PLA2G15: variants seen among roughly 807,000 people sequenced by gnomAD.
PLA2G15 encodes lysosomal phospholipase A and acyltransferase.
PLA2G15 carries 20 observed loss-of-function variants against 40.9 expected under a neutral mutation model. The observed-to-expected ratio is 0.49, with a 90% CI of 0.34 to 0.71. The LOEUF is 0.71. PLA2G15 is among the 30% of genes least tolerant of loss of function. PLA2G15 has a pLI of 0.01. For synonymous variants in PLA2G15, 223 were observed against 228.2 expected, an observed-to-expected ratio of 0.98 and a Z score of 0.21; for missense variants, 471 against 541.9, an observed-to-expected ratio of 0.87 and a Z score of 1.30.
At chr16:68,250,609 G>A (rs2042347783) in intron 2 of PLA2G15, among the ~76,000 whole-genome samples, 1 of 152,174 alleles carries the variant, frequency 6.6e-6, no homozygotes. Context: ...GCCAGGCATG[G>A]TGGCTCTGCT....
At chr16:68,249,505 C>T (rs955901446) in intron 2 of PLA2G15, 59 bp downstream of exon 2, 184 of 1,501,646 alleles carry the variant, frequency 1.2e-4, no homozygotes, top group Non-Finnish European at 1.7e-4. Context: ...GAGAGGCCTC[C>T]AGAGTCTGTT....
chr16:68,258,672 A>C (rs2042419537), intron 5 of PLA2G15, among the ~76,000 whole-genome samples: 1 of 152,126 alleles, frequency 6.6e-6, no homozygotes, highest in South Asian at 2.1e-4. Flanking sequence ...AGTTCCAGCT[A>C]TGCAGGAGGC....
At chr16:68,254,791 G>C in intron 2 of PLA2G15, 128 bp from the exon 3 acceptor site, 1 of 668,842 alleles carries the variant, frequency 1.5e-6, no homozygotes, top group Non-Finnish European at 2.7e-6. Flanking sequence ...TTACTTTTCG[G>C]TCTCTCCTAT....
intron 2 of PLA2G15, chr16:68,252,542 C>T (rs1380301637): frequency 2.2e-6 from 1 of 456,088 alleles, no homozygotes; most frequent in Non-Finnish European, 4.4e-6. Flanking sequence ...GATGGTGCAG[C>T]AGCTGTGTAC....
Position 68,256,014 on chromosome 16 carries a change from T to TGGGG in PLA2G15, c.727+27_727+30dup, listed in dbSNP as rs1357229659. On this transcript the variant is annotated intron_variant, in intron 5 of 5. Coordinates refer to ENST00000219345, the MANE Select transcript of PLA2G15 (RefSeq NM_012320.4). ...AGGTAAGACCCTACCTGGCCCAGCGTGGGGGGCTGTTGCCAGGAATTCTGC... is the reference window on the plus strand; with the variant it reads ...AGGTAAGACCCTACCTGGCCCAGCGTGGGGGGGGGGCTGTTGCCAGGAATTCTGC... 4 of 1,492,910 alleles carry TGGGG rather than the reference T, an allele frequency of 2.7e-6. No homozygotes were observed. The East Asian group carries it at 9.2e-5, about 34-fold the overall frequency. 92.5% of individuals were successfully genotyped at this position (1,492,910 alleles called of 1,614,324 possible). A position where few individuals can be genotyped will look rare whatever the true frequency, so the allele number is the denominator to read the frequency against.
intron 1 of PLA2G15, among the ~76,000 whole-genome samples, chr16:68,246,990 T>C (rs1971546): frequency 0.22 from 33,128 of 151,996 alleles, 4,171 homozygotes; most frequent in African/African-American, 0.34. Flanking sequence ...AAATGGCACA[T>C]AGCCATTTTG....
At chr16:68,252,038 C>A (rs550698957) in intron 2 of PLA2G15, among the ~76,000 whole-genome samples, 3 of 152,228 alleles carry the variant, frequency 2.0e-5, no homozygotes, top group Non-Finnish European at 4.4e-5. Context: ...GGGACACAGC[C>A]TCAGGTGCTG....
chr16:68,257,496 A>G (rs1006450562), intron 5 of PLA2G15, among the ~76,000 whole-genome samples: 2 of 152,198 alleles, frequency 1.3e-5, no homozygotes, highest in Admixed American at 1.3e-4. Context: ...TGACTGTTGC[A>G]GCTCACCAGC....
chr16:68,252,408 C>T, intron 2 of PLA2G15: 1 of 340,770 alleles, frequency 2.9e-6, no homozygotes, highest in Non-Finnish European at 5.9e-6. Flanking sequence ...GTGGCGAGGC[C>T]AGAGCAAGGT....
Position 68,255,926 on chromosome 16 carries a change from G to A in PLA2G15, c.663G>A (p.Arg221=). 1.2e-6 allele frequency: 2 copies of A among 1,613,038 alleles called. No homozygotes were observed. The highest frequency in any genetic ancestry group is 1.7e-6 in the Non-Finnish European group (2 of 1,179,930). Residue 221 remains arginine (R), a synonymous_variant, in exon 5 of 6, where the codon CGG becomes CGA. Transcript: ENST00000219345. This position sits in a 1 kb window ranked among gnomAD's most constrained non-coding sequence, Gnocchi z 5.9. ...QPQAWKDKYI[R]AFVSLGAPWG... The stretch of plus-strand genomic sequence containing the variant: ...AGGCCTGGAAGGACAAGTATATCCG[G>A]GCCTTCGTGTCACTGGGTGCGCCCT...
In PLA2G15 at chr16:68,255,403, T is replaced by A. The variant is rs568365687; in HGVS notation, c.502+23T>A. Reference sequence around the variant, plus strand: ...CAAGTAAGCAGGCACTCTCATTCCCTCCCTGACGTCTCGGGAGGTAGGGGT... The same window carrying A: ...CAAGTAAGCAGGCACTCTCATTCCCACCCTGACGTCTCGGGAGGTAGGGGT... On this transcript the variant is annotated intron_variant, in intron 4 of 5. Coordinates refer to ENST00000219345, the MANE Select transcript of PLA2G15 (RefSeq NM_012320.4). The surrounding 1 kb of genome is among the most constrained non-coding windows in gnomAD (Gnocchi z 5.9). 1.9e-6 allele frequency: 3 copies of A among 1,542,432 alleles called. No homozygotes were observed. In the African/African-American group the frequency reaches 4.1e-5, roughly 21 times the overall value.
chr16:68,252,669 G>C (rs2042365525), intron 2 of PLA2G15: 1 of 445,380 alleles, frequency 2.2e-6, no homozygotes. Context: ...TTATTACACA[G>C]TTCTAGAAAA....
intron 2 of PLA2G15, 24 bp downstream of exon 2, chr16:68,249,470 G>A (rs373631017): frequency 4.8e-5 from 77 of 1,611,482 alleles, no homozygotes; most frequent in Non-Finnish European, 3.4e-6. Flanking sequence ...CACACAGAGG[G>A]GGGTGCTGCT....
Position 68,259,704 on chromosome 16 carries a change from G to A in PLA2G15, c.*47G>A. The stretch of plus-strand genomic sequence containing the variant: ...GTGGCTCGGCCGTGGACCTGCTGTT[G>A]GCCTCTGGGGCTGTCATGGCCCACG... On this transcript the variant is annotated 3_prime_UTR_variant, in exon 6 of 6. Transcript: ENST00000219345. This position sits in a 1 kb window ranked among gnomAD's most constrained non-coding sequence, Gnocchi z 6.5. 2 of 1,572,986 alleles carry A rather than the reference G, an allele frequency of 1.3e-6. No individual in the cohort carries two copies. The highest frequency in any genetic ancestry group is 1.7e-6 in the Non-Finnish European group (2 of 1,157,786).
In PLA2G15 at chr16:68,259,237, C is replaced by G. The variant is rs371632429; in HGVS notation, c.819C>G (p.Asn273Lys). 2.3e-4 allele frequency: 373 copies of G among 1,613,844 alleles called. No homozygotes were observed. Among genetic ancestry groups the G allele is most frequent in the Non-Finnish European group, 3.1e-4 (369 of 1,180,046 alleles). ...AVSTSWLLPY[N>K]YTWSPEKVFV... Reference sequence around the variant, plus strand: ...CCACCAGCTGGCTGCTGCCCTACAACTACACATGGTCACCTGAGAAGGTGT... The same window carrying G: ...CCACCAGCTGGCTGCTGCCCTACAAGTACACATGGTCACCTGAGAAGGTGT... The change falls in exon 6 of 6, where the codon AAC becomes AAG. Residue 273 changes from asparagine (N) to lysine (K), a missense_variant. Transcript: ENST00000219345. This position sits in a 1 kb window ranked among gnomAD's most constrained non-coding sequence, Gnocchi z 6.5.
chr16:68,259,867 C>T lies in PLA2G15; in HGVS notation c.*210C>T. The T allele has an allele frequency of 1.7e-6, 1 of 596,478 alleles. No homozygotes were observed. Among genetic ancestry groups the T allele is most frequent in the Middle Eastern group, 4.5e-4 (1 of 2,234 alleles). 36.9% of individuals were successfully genotyped at this position (596,478 alleles called of 1,614,324 possible). On this transcript the variant is annotated 3_prime_UTR_variant, in exon 6 of 6. Coordinates refer to ENST00000219345, the MANE Select transcript of PLA2G15 (RefSeq NM_012320.4). This position sits in a 1 kb window ranked among gnomAD's most constrained non-coding sequence, Gnocchi z 6.5. ...GAAATGAGAGTCTAGACTCAAGGGA[C>T]ACTGGATGGCAAGAATGCTGCTGAT...
chr16:68,249,500 G>T (rs919390290), intron 2 of PLA2G15, 54 bp downstream of exon 2: 11 of 1,529,564 alleles, frequency 7.2e-6, no homozygotes, highest in African/African-American at 4.1e-5. Context: ...TGCCTGAGAG[G>T]CCTCCAGAGT....
At position 68,253,691 on chromosome 16, in the gene PLA2G15, G is replaced by GTTTTTTTTTTT. The variant is rs58831503; in HGVS notation, c.285-1222_285-1212dup. ...TGCCTGGCCTAGTGTGTTTTGTTTT[G>GTTTTTTTTTTT]TTTTTTTTTTTTTTTTGAGACAGGG... On this transcript the variant is annotated intron_variant, in intron 2 of 5. Transcript: ENST00000219345. 4.0e-5 allele frequency among the ~76,000 whole-genome samples: 5 copies of GTTTTTTTTTTT among 124,932 alleles called. 1 individual carries two copies. The highest frequency in any genetic ancestry group is 2.5e-4 in the South Asian group (1 of 3,940). The allele number at this position is 124,932 out of a possible 152,430, so 82.0% of individuals were successfully genotyped here. A position where few individuals can be genotyped will look rare whatever the true frequency, so the allele number is the denominator to read the frequency against.
chr16:68,256,862 G>A (rs543479825), intron 5 of PLA2G15, among the ~76,000 whole-genome samples: 2 of 151,556 alleles, frequency 1.3e-5, no homozygotes, highest in African/African-American at 4.9e-5. Flanking sequence ...TCACCGCAGA[G>A]GAGGAAGGCT....
Sources: allele counts gnomAD v4.1 joint callset (sites outside exome capture counted in the v4.1 genomes callset), GRCh38; gene constraint gnomAD v4.1.1; non-coding constraint Gnocchi (gnomAD v3.1); transcripts MANE v1.5; gene names NCBI Gene and HGNC (gene_info 2026-07-23, HGNC 2026-07-21).